Variants in NPIPB15 observed in about 807,000 individuals in gnomAD.
NPIPB15 encodes the protein nuclear pore complex-interacting protein family member B15.
In NPIPB15, 5 loss-of-function variants were observed where a neutral mutation model predicts 35.9. The ratio of observed to expected loss-of-function variants is 0.14; its 90% CI spans 0.07 to 0.29. The LOEUF is 0.29. Ranked by LOEUF, NPIPB15 falls within the 10% of genes least tolerant of loss-of-function variation. NPIPB15 has a pLI of 1.00. For missense variants in NPIPB15, 100 were observed against 506.1 expected, an observed-to-expected ratio of 0.20 and a Z score of 7.70; for synonymous variants, 43 against 182.0, an observed-to-expected ratio of 0.24 and a Z score of 6.15.
At chr16:74,382,702 A>C (rs1597154494) in intron 3 of NPIPB15, among the ~76,000 whole-genome samples, 1 of 152,386 alleles carries the variant, frequency 6.6e-6, no homozygotes, top group East Asian at 1.9e-4. Flanking sequence ...TAAAAGTACT[A>C]ATACCACAAT....
chr16:74,388,008 T>C (rs2142689325), intron 5 of NPIPB15, among the ~76,000 whole-genome samples: 1 of 152,074 alleles, frequency 6.6e-6, no homozygotes, highest in African/African-American at 2.4e-5. Context: ...GTGGATGGTT[T>C]GCCGTTGTCA....
chr16:74,383,623 ATAT>A (rs1199245216), intron 3 of NPIPB15, among the ~76,000 whole-genome samples: 2 of 136,602 alleles, frequency 1.5e-5, no homozygotes, highest in African/African-American at 5.5e-5. Context: ...AATTTGAAAG[ATAT>A]TATTTCAGGC....
chr16:74,377,548 T>G (rs1377337961), intron 1 of NPIPB15, among the ~76,000 whole-genome samples: 1 of 151,830 alleles, frequency 6.6e-6, no homozygotes, highest in Non-Finnish European at 1.5e-5. Flanking sequence ...GTTTGGTGGA[T>G]AGCAGAACCT....
intron 5 of NPIPB15, among the ~76,000 whole-genome samples, chr16:74,389,400 T>A: frequency 6.7e-6 from 1 of 149,818 alleles, no homozygotes; most frequent in East Asian, 2.0e-4. Context: ...TGAGATGGAG[T>A]CTCACTGTGT....
At chr16:74,386,105 C>A (rs1339804309) in intron 5 of NPIPB15, among the ~76,000 whole-genome samples, 317 of 112,896 alleles carry the variant, frequency 2.8e-3, no homozygotes, top group Middle Eastern at 9.5e-3. Flanking sequence ...CTGCCTCAGC[C>A]TCCCAAGTAG....
At chr16:74,388,932 C>A (rs201354043) in intron 5 of NPIPB15, 133,909 of 752,598 alleles carry the variant, frequency 0.18, 16,201 homozygotes, top group Admixed American at 0.47. Flanking sequence ...GTCAGAAGAC[C>A]TATCGTGAGA....
At chr16:74,378,460 T>C in intron 2 of NPIPB15, among the ~76,000 whole-genome samples, 1 of 121,466 alleles carries the variant, frequency 8.2e-6, no homozygotes, top group African/African-American at 3.2e-5. Flanking sequence ...AGAGTCTCAC[T>C]CTGTCGCCCA....
intron 3 of NPIPB15, among the ~76,000 whole-genome samples, chr16:74,382,680 A>G (rs1376627356): frequency 6.6e-6 from 1 of 152,288 alleles, no homozygotes; most frequent in East Asian, 1.9e-4. Flanking sequence ...CCTTCTGAAC[A>G]ATGATCCAAG....
chr16:74,379,880 A>G (rs371799345), intron 2 of NPIPB15, among the ~76,000 whole-genome samples: 2 of 151,582 alleles, frequency 1.3e-5, no homozygotes, highest in African/African-American at 4.8e-5. Flanking sequence ...GAGCCACCAC[A>G]CCCGGCCCAC....
intron 2 of NPIPB15, among the ~76,000 whole-genome samples, chr16:74,380,651 C>G (rs1463272588): frequency 1.3e-5 from 2 of 151,696 alleles, no homozygotes; most frequent in Non-Finnish European, 2.9e-5. Flanking sequence ...TGGCAAAACC[C>G]CATCTCCACA....
chr16:74,378,414 G>A (rs2011795285), intron 2 of NPIPB15, among the ~76,000 whole-genome samples: 1 of 130,024 alleles, frequency 7.7e-6, no homozygotes, highest in Non-Finnish European at 1.6e-5. Context: ...GTGTCACCTG[G>A]TTTGATGCCT....
chr16:74,384,688 T>TTTTTC (rs2012168436), intron 3 of NPIPB15, among the ~76,000 whole-genome samples: 1 of 94,230 alleles, frequency 1.1e-5, no homozygotes, highest in South Asian at 4.3e-4. Flanking sequence ...TTTTTTTTTT[T>TTTTTC]TTTTTTTTTG....
chr16:74,380,979 C>T (rs888394328), intron 2 of NPIPB15, among the ~76,000 whole-genome samples: 1 of 151,884 alleles, frequency 6.6e-6, no homozygotes, highest in African/African-American at 2.4e-5. Flanking sequence ...CTCATCTCTA[C>T]TAAAAATACA....
intron 2 of NPIPB15, among the ~76,000 whole-genome samples, chr16:74,379,761 T>C (rs1412821476): frequency 6.6e-6 from 1 of 152,094 alleles, no homozygotes; most frequent in Non-Finnish European, 1.5e-5. Flanking sequence ...TGCTAATTTT[T>C]TGTAATTTTA....
At chr16:74,379,813 C>G (rs1283203701) in intron 2 of NPIPB15, among the ~76,000 whole-genome samples, 4 of 151,906 alleles carry the variant, frequency 2.6e-5, no homozygotes, top group African/African-American at 9.7e-5. Flanking sequence ...TGGTCTCAAT[C>G]TCCTGATCTC....
chr16:74,377,777 T>C (rs1399020860), intron 1 of NPIPB15, 175 bp from the exon 2 acceptor site: 1 of 65,924 alleles, frequency 1.5e-5, no homozygotes. Context: ...TCCCTTCCCT[T>C]ACTTCCCCCC....
chr16:74,377,468 G>T (rs1597149309), intron 1 of NPIPB15, among the ~76,000 whole-genome samples, 122 bp downstream of exon 1: 1 of 152,074 alleles, frequency 6.6e-6, no homozygotes, highest in Admixed American at 6.6e-5. Context: ...CACCACCGGG[G>T]TCATCAGGGA....
chr16:74,384,360 A>G (rs2012143982), intron 3 of NPIPB15, among the ~76,000 whole-genome samples: 1 of 96,612 alleles, frequency 1.0e-5, no homozygotes, highest in African/African-American at 3.8e-5. Context: ...TGTGTGAAGT[A>G]TATTCATGTC....
intron 5 of NPIPB15, among the ~76,000 whole-genome samples, chr16:74,389,265 T>C (rs1448574075): frequency 1.3e-5 from 2 of 150,048 alleles, no homozygotes; most frequent in Admixed American, 6.9e-5. Context: ...GAATTAGGGA[T>C]ATACTGAGAA....
Sources: allele counts gnomAD v4.1 joint callset (sites outside exome capture counted in the v4.1 genomes callset), GRCh38; gene constraint gnomAD v4.1.1; transcripts MANE v1.5; gene names NCBI Gene and HGNC (gene_info 2026-07-23, HGNC 2026-07-21).